EPHA8: variants seen among roughly 807,000 people sequenced by gnomAD.
EPHA8 encodes ephrin type-A receptor 8.
In EPHA8, 58 loss-of-function variants were observed where a neutral mutation model predicts 103.6. That is an observed-to-expected ratio of 0.56 (90% CI 0.45 to 0.70). The LOEUF is 0.70. Ranked by LOEUF, EPHA8 falls within the 30% of genes least tolerant of loss-of-function variation. The pLI is 0.00. For synonymous variants in EPHA8, 559 were observed against 572.5 expected, an observed-to-expected ratio of 0.98 and a Z score of 0.34; for missense variants, 1,304 against 1,395.2, an observed-to-expected ratio of 0.93 and a Z score of 1.04.
chr1:22,590,311 G>A (rs911979499), intron 5 of EPHA8, among the ~76,000 whole-genome samples: 1 of 152,120 alleles, frequency 6.6e-6, no homozygotes, highest in African/African-American at 2.4e-5. Flanking sequence ...GGCAGCATCC[G>A]GGATGCCCCA....
Position 22,593,602 on chromosome 1 carries a change from C to A in EPHA8, c.1519C>A (p.Arg507Ser), listed in dbSNP as rs182997024. 8.1e-6 allele frequency: 13 copies of A among 1,611,248 alleles called. No homozygotes were observed. In the Admixed American group the frequency reaches 1.3e-4, roughly 17 times the overall value. The change falls in exon 7 of 17, where the codon CGC becomes AGC. Residue 507 changes from arginine to serine, a missense_variant. Arg to Ser is a moderately radical substitution (Grantham distance 110). Transcript: ENST00000166244. ...CGTCTCCGGCCTCAAGCCGGGCACCCGCTACGTGTTCCAGGTCCGAGCCCG... is the reference window on the plus strand; with the variant it reads ...CGTCTCCGGCCTCAAGCCGGGCACCAGCTACGTGTTCCAGGTCCGAGCCCG... ...ATVSGLKPGTRYVFQVRARTS... is the reference protein window; with the variant it reads ...ATVSGLKPGTSYVFQVRARTS...
Position 22,598,284 on chromosome 1 carries a change from C to A in EPHA8, c.2178+72C>A. 1 of 1,485,758 alleles carries A rather than the reference C, an allele frequency of 6.7e-7. No individual in the cohort carries two copies. Among genetic ancestry groups the A allele is most frequent in the Non-Finnish European group, 9.3e-7 (1 of 1,078,790 alleles). The allele number at this position is 1,485,758 out of a possible 1,614,324, so 92.0% of individuals were successfully genotyped here. ...CCAGTCTGGGTGCTGGGAGATAGTG[C>A]AAAGCCCTCTAAGCCCCCTCCCTGG... On this transcript the variant is annotated intron_variant, in intron 12 of 16. Transcript: ENST00000166244. This position sits in a 1 kb window ranked among gnomAD's most constrained non-coding sequence, Gnocchi z 5.1.
chr1:22,589,094 C>T lies in EPHA8; in HGVS notation c.1203C>T (p.Asn401=). The T allele has an allele frequency of 6.2e-7, 1 of 1,613,658 alleles. No individual in the cohort carries two copies. ...TGCAGGCCAGCCTGCTGGTGGCCAA[C>T]CTGCTGGCCCACATGAACTACTCCT... is the stretch of plus-strand genomic sequence containing the variant. ...SLVQASLLVA[N]LLAHMNYSFW... The change falls in exon 5 of 17, where the codon AAC becomes AAT. Residue 401 remains asparagine, a synonymous_variant. Transcript: ENST00000166244. This position sits in a 1 kb window ranked among gnomAD's most constrained non-coding sequence, Gnocchi z 4.3.
At chr1:22,584,649 G>T (rs2148246004) in intron 3 of EPHA8, among the ~76,000 whole-genome samples, 1 of 152,284 alleles carries the variant, frequency 6.6e-6, no homozygotes, top group Non-Finnish European at 1.5e-5. Context: ...TTAGTGGAGA[G>T]AGAACCACAG....
intron 15 of EPHA8, 90 bp downstream of exon 15, chr1:22,601,178 A>G: frequency 6.5e-7 from 1 of 1,534,186 alleles, no homozygotes. Context: ...CCCTGACACT[A>G]GGACCAGGCC....
intron 3 of EPHA8, among the ~76,000 whole-genome samples, chr1:22,583,676 C>G (rs1641107581): frequency 6.6e-6 from 1 of 152,252 alleles, no homozygotes; most frequent in South Asian, 2.1e-4. Flanking sequence ...CCATCTCCCT[C>G]TAAGGTGGGT....
intron 3 of EPHA8, among the ~76,000 whole-genome samples, chr1:22,585,593 C>T (rs576559620): frequency 6.6e-6 from 1 of 152,332 alleles, no homozygotes; most frequent in African/African-American, 2.4e-5. Flanking sequence ...CCCAAACAGG[C>T]CTGGTCCAGA....
At chr1:22,566,105 C>T (rs1430520902) in intron 1 of EPHA8, among the ~76,000 whole-genome samples, 6 of 152,226 alleles carry the variant, frequency 3.9e-5, no homozygotes, top group African/African-American at 1.2e-4. Flanking sequence ...CAGTCCCCTA[C>T]AACAGGCCAC....
chr1:22,602,614 C>T lies in EPHA8; in HGVS notation c.*873C>T, dbSNP rs1210660631. ...GGGGCTCAGCAGCCTCCTCTAGCCTCTGATGCCTTCCCTCCACGGCCCAGG... is the reference window on the plus strand; with the variant it reads ...GGGGCTCAGCAGCCTCCTCTAGCCTTTGATGCCTTCCCTCCACGGCCCAGG... On this transcript the variant is annotated 3_prime_UTR_variant, in exon 17 of 17. Coordinates refer to ENST00000166244, the MANE Select transcript of EPHA8 (RefSeq NM_020526.5). 1 of 152,982 alleles carries T rather than the reference C, an allele frequency of 6.5e-6. No homozygotes were observed. The highest frequency in any genetic ancestry group is 1.5e-5 in the Non-Finnish European group (1 of 68,296). 9.5% of individuals were successfully genotyped at this position (152,982 alleles called of 1,614,324 possible). A position where few individuals can be genotyped will look rare whatever the true frequency, so the allele number is the denominator to read the frequency against.
intron 3 of EPHA8, among the ~76,000 whole-genome samples, chr1:22,578,955 GTCCA>G (rs1640928399): frequency 6.9e-6 from 1 of 144,920 alleles, no homozygotes. Flanking sequence ...ATGCATGTGT[GTCCA>G]TGTGTATGTT....
chr1:22,597,779 G>A lies in EPHA8; in HGVS notation c.2034G>A (p.Arg678=). The stretch of plus-strand genomic sequence containing the variant: ...AAGCCGGCTACACGGAGAGACAGAG[G>A]CGGGACTTCCTGAGCGAGGCGTCCA... ...ALKAGYTERQ[R]RDFLSEASIM... Residue 678 remains arginine (R), a synonymous_variant, in exon 11 of 17, where the codon AGG becomes AGA. Transcript: ENST00000166244. The surrounding 1 kb of genome is among the most constrained non-coding windows in gnomAD (Gnocchi z 4.6). The A allele has an allele frequency of 6.2e-7, 1 of 1,613,208 alleles. No individual in the cohort carries two copies. The highest frequency in any genetic ancestry group is 8.5e-7 in the Non-Finnish European group (1 of 1,179,988).
At position 22,576,801 on chromosome 1, in the gene EPHA8, C is replaced by T. The variant is rs764846917; in HGVS notation, c.744C>T (p.Ser248=). Residue 248 remains serine, a synonymous_variant, in exon 3 of 17, where the codon AGC becomes AGT. Transcript: ENST00000166244. The surrounding 1 kb of genome is among the most constrained non-coding windows in gnomAD (Gnocchi z 4.8). ...GGGACACACCCAAGATGTACTGCAG[C>T]GCGGAGGGCGAGTGGCTCGTGCCCA... ...EERDTPKMYC[S]AEGEWLVPIG... 7 of 1,612,838 alleles carry T rather than the reference C, an allele frequency of 4.3e-6. No homozygotes were observed. The South Asian group carries it at 6.6e-5, about 15-fold the overall frequency.
In EPHA8 at chr1:22,597,631, G is replaced by A. The variant is rs61767315; in HGVS notation, c.1931-45G>A. ...CCTGGGAGGCTGGGGGAGTCTGAGG[G>A]TCCCACTGCCCTCCCTCCACACCTG... On this transcript the variant is annotated intron_variant, in intron 10 of 16. Transcript: ENST00000166244. The surrounding 1 kb of genome is among the most constrained non-coding windows in gnomAD (Gnocchi z 4.6). 53,241 of 1,561,728 alleles carry A rather than the reference G, an allele frequency of 0.034. 1,055 individuals are homozygous for A. Among genetic ancestry groups the A allele is most frequent in the South Asian group, 0.045 (3,722 of 83,070 alleles).
intron 9 of EPHA8, among the ~76,000 whole-genome samples, chr1:22,596,430 G>A (rs1374822412): frequency 6.6e-6 from 1 of 152,142 alleles, no homozygotes; most frequent in Non-Finnish European, 1.5e-5. Context: ...TGATTTCGGG[G>A]TGGGAGTGCA....
At chr1:22,585,748 C>T (rs79016720) in intron 3 of EPHA8, among the ~76,000 whole-genome samples, 2,850 of 152,242 alleles carry the variant, frequency 0.019, 46 homozygotes, top group Middle Eastern at 0.041. Flanking sequence ...AGGGTCAGTC[C>T]CAGCCACAGT....
Position 22,589,290 on chromosome 1 carries a change from G to T in EPHA8, c.1315+84G>T. 2 of 1,613,278 alleles carry T rather than the reference G, an allele frequency of 1.2e-6. No homozygotes were observed. The highest frequency in any genetic ancestry group is 1.3e-5 in the African/African-American group (1 of 75,056). ...CCCATCCAGGGATCAGAGCTCTGCC[G>T]GGGACGTGCTGTGGGCCTTTAGGCA... On this transcript the variant is annotated intron_variant, in intron 5 of 16. Transcript: ENST00000166244. The surrounding 1 kb of genome is among the most constrained non-coding windows in gnomAD (Gnocchi z 4.3).
intron 5 of EPHA8, among the ~76,000 whole-genome samples, chr1:22,592,785 C>T (rs1278347007): frequency 2.0e-5 from 3 of 150,250 alleles, no homozygotes; most frequent in Non-Finnish European, 4.4e-5. Context: ...CAGGGCTGAC[C>T]GCACCTGAGC....
In EPHA8 at chr1:22,570,320, ATG is replaced by A. The variant is rs1311708872; in HGVS notation, c.159+968_159+969del. Among the ~76,000 whole-genome samples, 5 of 115,642 alleles carry A rather than the reference ATG, an allele frequency of 4.3e-5. No individual in the cohort carries two copies. In the South Asian group the frequency reaches 1.2e-3, roughly 28 times the overall value. 75.9% of individuals were successfully genotyped at this position (115,642 alleles called of 152,430 possible). A position where few individuals can be genotyped will look rare whatever the true frequency, so the allele number is the denominator to read the frequency against. On this transcript the variant is annotated intron_variant, in intron 2 of 16. Transcript: ENST00000166244. Reference sequence around the variant, plus strand: ...CATGCACACGTGTGCGTGTACACACATGCACACACGCACATGCACATGCGTGG... The same window carrying A: ...CATGCACACGTGTGCGTGTACACACACACACACGCACATGCACATGCGTGG...
rs139543017 is a variant in EPHA8 at position 22,601,635 on chromosome 1, G to A, written c.2912G>A (p.Arg971His). 50 of 1,591,904 alleles carry A rather than the reference G, an allele frequency of 3.1e-5. No homozygotes were observed. Among genetic ancestry groups the A allele is most frequent in the Non-Finnish European group, 3.9e-5 (46 of 1,169,550 alleles). Reference sequence around the variant, plus strand: ...GCACCCTTCCTTCACAGGGACGTGCGCGCCCTGGGCATCACCCTCATGGGC... The same window carrying A: ...GCACCCTTCCTTCACAGGGACGTGCACGCCCTGGGCATCACCCTCATGGGC... The part of the protein sequence containing the change: ...MVLRMNAQDV[R>H]ALGITLMGHQ... Residue 971 changes from arginine (R) to histidine (H), a missense_variant, in exon 17 of 17, where the codon CGC (arginine) becomes CAC (histidine). By Grantham distance (29) the Arg-to-His change is conservative (BLOSUM62 0). Transcript: ENST00000166244.
Sources: gnomAD v4.1 joint callset for allele counts (sites outside exome capture counted in the v4.1 genomes callset) on GRCh38, gnomAD v4.1.1 for gene constraint, Gnocchi (gnomAD v3.1) non-coding constraint, MANE v1.5 for transcripts, NCBI Gene and HGNC (gene_info 2026-07-23, HGNC 2026-07-21) for gene names.